Variants in LETM2 observed in about 807,000 individuals in gnomAD.
The protein encoded by LETM2 is leucine zipper and EF-hand containing transmembrane protein 2.
Under a neutral mutation model 59.6 loss-of-function variants are expected in LETM2, and 58 were observed. The observed-to-expected ratio is 0.97, with a 90% CI of 0.79 to 1.21. The LOEUF (loss-of-function observed/expected upper bound fraction) is 1.21. LETM2 is among the 50% of genes most tolerant of loss of function. The pLI, the probability that LETM2 is intolerant of heterozygous loss-of-function variation, is 0.00. For missense variants in LETM2, 572 were observed against 575.7 expected, an observed-to-expected ratio of 0.99 and a Z score of 0.07; for synonymous variants, 199 against 214.1, an observed-to-expected ratio of 0.93 and a Z score of 0.62.
At position 38,388,061 on chromosome 8, in the gene LETM2, C is replaced by A. The variant is rs762693636; in HGVS notation, c.47+31C>A. On this transcript the variant is annotated intron_variant, in intron 2 of 10. Coordinates refer to ENST00000379957, the MANE Select transcript of LETM2 (RefSeq NM_001286819.2). ...CATTGGAGTTACCCCCCAATATGAACGTAATTCTTCTTCTTCTTCTTTTTT... is the reference window on the plus strand; with the variant it reads ...CATTGGAGTTACCCCCCAATATGAAAGTAATTCTTCTTCTTCTTCTTTTTT... 6.5e-6 allele frequency: 9 copies of A among 1,376,612 alleles called. No individual in the cohort carries two copies. In the Admixed American group the frequency reaches 6.8e-5, roughly 10 times the overall value. The allele number at this position is 1,376,612 out of a possible 1,614,324, so 85.3% of individuals were successfully genotyped here. A position where few individuals can be genotyped will look rare whatever the true frequency, so the allele number is the denominator to read the frequency against.
chr8:38,388,701 C>T (rs1162738287), intron 2 of LETM2, among the ~76,000 whole-genome samples: 1 of 140,276 alleles, frequency 7.1e-6, no homozygotes, highest in Non-Finnish European at 1.5e-5. Context: ...GCTTGGGCAA[C>T]AAGAGTAAAA....
rs113612518 is a variant in LETM2, at chr8:38,405,570, G to C, written c.1218+1064G>C. On this transcript the variant is annotated intron_variant, in intron 8 of 10. Coordinates refer to ENST00000379957, the MANE Select transcript of LETM2 (RefSeq NM_001286819.2). ...ACCCAACTTCAGGAAACACCATCTT[G>C]CTTTCCCTTTTCATATTTCTAGAGT... is the stretch of plus-strand genomic sequence containing the variant. Among the ~76,000 whole-genome samples the C allele has an allele frequency of 4.2e-3, 647 of 152,298 alleles. 3 individuals carry two copies. The highest frequency in any genetic ancestry group is 0.014 in the African/African-American group (565 of 41,560).
At chr8:38,401,149 T>A (rs1288266691) in intron 6 of LETM2, 96 bp downstream of exon 6, 6 of 1,045,018 alleles carry the variant, frequency 5.7e-6, no homozygotes, top group Middle Eastern at 3.1e-4. Flanking sequence ...TTTGTTTTTG[T>A]TTTTGTTTTT....
intron 2 of LETM2, among the ~76,000 whole-genome samples, chr8:38,389,028 A>T (rs560134558): frequency 4.6e-5 from 7 of 152,026 alleles, no homozygotes; most frequent in Non-Finnish European, 1.0e-4. Flanking sequence ...GGCTTCCCAA[A>T]GTGCTGGGAT....
rs1269660650 is a variant in LETM2, at chr8:38,409,194, C to T, written c.*920C>T. The stretch of plus-strand genomic sequence containing the variant: ...ATGCAGCTGACCAAGGGCTTTCTTC[C>T]CCTGGGGAGTGGTTAGAAGGCCAAA... On this transcript the variant is annotated 3_prime_UTR_variant, in exon 11 of 11. Transcript: ENST00000379957. 1.3e-5 allele frequency: 2 copies of T among 152,104 alleles called. No individual in the cohort carries two copies. Among genetic ancestry groups the T allele is most frequent in the East Asian group, 3.9e-4 (2 of 5,192 alleles). 9.4% of individuals were successfully genotyped at this position (152,104 alleles called of 1,614,324 possible).
At chr8:38,391,408 T>G (rs1812261356) in intron 2 of LETM2, among the ~76,000 whole-genome samples, 1 of 150,544 alleles carries the variant, frequency 6.6e-6, no homozygotes, top group Admixed American at 6.6e-5. Context: ...GTTCAAGTGA[T>G]TCTCCTGCCT....
upstream of LETM2, chr8:38,383,165 G>C (rs1291645254): frequency 1.3e-5 from 2 of 152,260 alleles, no homozygotes; most frequent in Non-Finnish European, 2.9e-5. Context: ...AGGGACATTT[G>C]TCCTAGAGGG....
At position 38,386,881 on chromosome 8, in the gene LETM2, G is replaced by A. The variant is rs73605072; in HGVS notation, c.-35+313G>A. The A allele has an allele frequency of 5.6e-4, 85 of 152,680 alleles. 1 individual carries two copies. Among genetic ancestry groups the A allele is most frequent in the African/African-American group, 1.9e-3 (79 of 41,566 alleles). The allele number at this position is 152,680 out of a possible 1,614,324, so 9.5% of individuals were successfully genotyped here. ...TCCAACAACCCCGATCATCCACGAGGGTCGTCGTTCCCGTGCCTGTCCCAC... is the reference window on the plus strand; with the variant it reads ...TCCAACAACCCCGATCATCCACGAGAGTCGTCGTTCCCGTGCCTGTCCCAC... On this transcript the variant is annotated intron_variant, in intron 1 of 10. Coordinates refer to ENST00000379957, the MANE Select transcript of LETM2 (RefSeq NM_001286819.2).
At chr8:38,395,606 C>G (rs1405219527) in intron 4 of LETM2, among the ~76,000 whole-genome samples, 2 of 151,988 alleles carry the variant, frequency 1.3e-5, no homozygotes, top group Non-Finnish European at 2.9e-5. Flanking sequence ...ACCTCTGCTT[C>G]CCGGGTTCAA....
intron 10 of LETM2, 133 bp downstream of exon 10, chr8:38,407,596 T>C (rs1012639243): frequency 6.1e-6 from 4 of 657,834 alleles, no homozygotes; most frequent in Admixed American, 3.0e-5. Flanking sequence ...AACAGGAAAT[T>C]GTAGGCCAAA....
chr8:38,407,753 G>GTGTT (rs1408863955), intron 10 of LETM2, among the ~76,000 whole-genome samples: 2 of 152,140 alleles, frequency 1.3e-5, no homozygotes, highest in Non-Finnish European at 2.9e-5. Flanking sequence ...TAGTTTCCAT[G>GTGTT]TGTTATTTTA....
At chr8:38,401,136 T>C in intron 6 of LETM2, 83 bp downstream of exon 6, 3 of 1,184,456 alleles carry the variant, frequency 2.5e-6, no homozygotes, top group Non-Finnish European at 3.7e-6. Context: ...GTGTGCAGTA[T>C]TTTTTGTTTT....
rs1338195040 is a variant in LETM2, at chr8:38,409,230, C to T, written c.*956C>T. On this transcript the variant is annotated 3_prime_UTR_variant, in exon 11 of 11. Transcript: ENST00000379957. The stretch of plus-strand genomic sequence containing the variant: ...GGTTAGAAGGCCAAAGGTATTTCAG[C>T]CTGTAGGTGATAAAATTAGATTTCT... 1 of 152,184 alleles carries T rather than the reference C, an allele frequency of 6.6e-6. No homozygotes were observed. The highest frequency in any genetic ancestry group is 6.5e-5 in the Admixed American group (1 of 15,282). 9.4% of individuals were successfully genotyped at this position (152,184 alleles called of 1,614,324 possible).
In LETM2 at chr8:38,406,998, A is replaced by T; in HGVS notation, c.1271A>T (p.Glu424Val). 1 of 1,612,518 alleles carries T rather than the reference A, an allele frequency of 6.2e-7. No homozygotes were observed. Among genetic ancestry groups the T allele is most frequent in the Non-Finnish European group, 8.5e-7 (1 of 1,178,576 alleles). ...TTACCTACTTTCACTGAATCTAAAG[A>T]GAACATGGTGGATCTTGCACCTCAA... ...VELPTFTESK[E>V]NMVDLAPQLK... The change falls in exon 9 of 11, where the codon GAG (glutamate) becomes GTG (valine). Residue 424 changes from glutamate (E) to valine (V), a missense_variant. By Grantham distance (121) the Glu-to-Val change is moderately radical. Transcript: ENST00000379957.
At chr8:38,385,819 A>G (rs1053593668), upstream of LETM2, among the ~76,000 whole-genome samples, 2 of 152,258 alleles carry the variant, frequency 1.3e-5, no homozygotes, top group Admixed American at 1.3e-4. Flanking sequence ...TGGCCATCCT[A>G]GGAACTGAAG....
At position 38,408,394 on chromosome 8, in the gene LETM2, TG is replaced by T. The variant is rs1434957898; in HGVS notation, c.*124del. ...GAGAGCGGATCAGCTGTTTAGCCCG[TG>T]GGGCAGTCCTTTGAGGCCTGGTAAC... On this transcript the variant is annotated 3_prime_UTR_variant, in exon 11 of 11. Coordinates refer to ENST00000379957, the MANE Select transcript of LETM2 (RefSeq NM_001286819.2). The T allele has an allele frequency of 4.7e-6, 4 of 847,122 alleles. No individual in the cohort carries two copies. The African/African-American group carries it at 6.8e-5, about 14-fold the overall frequency. 52.5% of individuals were successfully genotyped at this position (847,122 alleles called of 1,614,324 possible). A position where few individuals can be genotyped will look rare whatever the true frequency, so the allele number is the denominator to read the frequency against.
intron 8 of LETM2, among the ~76,000 whole-genome samples, chr8:38,406,154 C>A (rs1813698377): frequency 6.6e-6 from 1 of 152,194 alleles, no homozygotes; most frequent in Non-Finnish European, 1.5e-5. Flanking sequence ...CACTCCCATT[C>A]TTATCGTTAT....
At chr8:38,385,090 A>G (rs1811719029), upstream of LETM2, among the ~76,000 whole-genome samples, 2 of 152,262 alleles carry the variant, frequency 1.3e-5, no homozygotes, top group South Asian at 2.1e-4. Flanking sequence ...ACTGGTAAAC[A>G]GAACGTGAAG....
chr8:38,407,937 T>C (rs1004647778), intron 10 of LETM2: 6 of 415,708 alleles, frequency 1.4e-5, no homozygotes, highest in South Asian at 2.5e-5. Context: ...TGTGGGAGAG[T>C]TGAAGTGGGA....
Sources: gnomAD v4.1 joint callset for allele counts (sites outside exome capture counted in the v4.1 genomes callset) on GRCh38, gnomAD v4.1.1 for gene constraint, MANE v1.5 for transcripts, NCBI Gene and HGNC (gene_info 2026-07-23, HGNC 2026-07-21) for gene names.